The following SPOCK3 variants were observed in gnomAD, a reference collection of about 807,000 sequenced individuals.
The protein encoded by SPOCK3 is SPARC (osteonectin), cwcv and kazal like domains proteoglycan 3, also known as testican-3.
In SPOCK3, 30 loss-of-function variants were observed where a neutral mutation model predicts 56.6. The observed-to-expected ratio is 0.53, with a 90% CI of 0.40 to 0.72. The LOEUF (loss-of-function observed/expected upper bound fraction) is 0.72, where lower values mean the gene tolerates loss of function less well. Among genes scored for constraint, SPOCK3 ranks in the 30% least tolerant of loss-of-function variants. The probability of loss-of-function intolerance (pLI) is 0.00; values close to 1 mark genes in which losing one functional copy is unlikely to be tolerated. For synonymous variants in SPOCK3, 196 were observed against 183.3 expected (o/e 1.07, Z -0.56); for missense variants, 527 against 530.0 (o/e 0.99, Z 0.06).
In SPOCK3 at chr4:166,862,958, G is replaced by A. The variant is rs777785812; in HGVS notation, c.589+26172C>T. Among the ~76,000 whole-genome samples, 99 of 151,908 alleles carry A rather than the reference G, an allele frequency of 6.5e-4. 1 individual carries two copies. Among genetic ancestry groups the A allele is most frequent in the African/African-American group, 2.0e-3 (82 of 41,374 alleles). On this transcript the variant is annotated intron_variant, in intron 6 of 10. Transcript: ENST00000357545. ...AAGAACAACCTGTAGACACATAATC[G>A]TCAGATTCTCCAAGTTTGAAATGAA...
chr4:167,232,050 CTG>C (rs1466400347), intron 2 of SPOCK3, among the ~76,000 whole-genome samples: 4 of 149,656 alleles, frequency 2.7e-5, no homozygotes, highest in African/African-American at 9.9e-5. Flanking sequence ...CCTAGAATAA[CTG>C]AGAATGATAT....
At chr4:166,738,355 A>C (rs1232906791) in intron 9 of SPOCK3, among the ~76,000 whole-genome samples, 1 of 152,100 alleles carries the variant, frequency 6.6e-6, no homozygotes, top group Non-Finnish European at 1.5e-5. Context: ...ACAACATCTC[A>C]AGCCCATGGT....
chr4:166,740,511 A>G (rs892918283), intron 9 of SPOCK3, among the ~76,000 whole-genome samples: 1 of 73,470 alleles, frequency 1.4e-5, no homozygotes, highest in Non-Finnish European at 2.7e-5. Context: ...TATTATTATT[A>G]TTATTATTAT....
At chr4:166,770,412 G>A (rs1738776438) in intron 7 of SPOCK3, among the ~76,000 whole-genome samples, 1 of 152,040 alleles carries the variant, frequency 6.6e-6, no homozygotes, top group African/African-American at 2.4e-5. Flanking sequence ...TTATTTAAAG[G>A]TCAGGTGATT....
rs1468553377 is a variant in SPOCK3 at position 166,818,883 on chromosome 4, TAA to T, written c.590-26596_590-26595del. Among the ~76,000 whole-genome samples, 11 of 152,164 alleles carry T rather than the reference TAA, an allele frequency of 7.2e-5. No homozygotes were observed. In the East Asian group the frequency reaches 2.1e-3, roughly 29 times the overall value. On this transcript the variant is annotated intron_variant, in intron 6 of 10. Coordinates refer to ENST00000357545, the MANE Select transcript of SPOCK3 (RefSeq NM_001040159.2). ...TATTTTTATAACTGAAAGTGACTAA[TAA>T]GTGAAAAATTAATAGGAACACAAGA...
chr4:167,188,353 A>C (rs1732194840), intron 2 of SPOCK3, among the ~76,000 whole-genome samples: 1 of 146,044 alleles, frequency 6.8e-6, no homozygotes, highest in Non-Finnish European at 1.5e-5. Flanking sequence ...AGAGCATACA[A>C]AAGAGGAAAA....
chr4:167,062,215 T>C (rs185163622), intron 3 of SPOCK3, among the ~76,000 whole-genome samples: 1 of 151,992 alleles, frequency 6.6e-6, no homozygotes, highest in Admixed American at 6.6e-5. Context: ...TTGTATCTAC[T>C]GATAAAAATA....
intron 4 of SPOCK3, among the ~76,000 whole-genome samples, chr4:166,978,572 C>T (rs889246230): frequency 6.6e-6 from 1 of 152,122 alleles, no homozygotes; most frequent in Admixed American, 6.5e-5. Flanking sequence ...TATTGTATAC[C>T]CACCATGTTC....
intron 6 of SPOCK3, among the ~76,000 whole-genome samples, chr4:166,888,192 TAA>T (rs576142810): frequency 8.6e-4 from 131 of 152,218 alleles, no homozygotes; most frequent in African/African-American, 3.0e-3. Context: ...ATGAAATACA[TAA>T]GTTTATATTA....
intron 2 of SPOCK3, among the ~76,000 whole-genome samples, chr4:167,133,313 G>A (rs1368490278): frequency 6.6e-6 from 1 of 152,148 alleles, no homozygotes; most frequent in East Asian, 1.9e-4. Flanking sequence ...GCAGCACCTA[G>A]AAACTGGACA....
intron 6 of SPOCK3, among the ~76,000 whole-genome samples, chr4:166,874,839 T>C (rs1187326278): frequency 6.6e-6 from 1 of 152,190 alleles, no homozygotes; most frequent in African/African-American, 2.4e-5. Context: ...CCTAAAGTAG[T>C]AGAATTTTAA....
chr4:166,773,250 C>G (rs1234423641), intron 7 of SPOCK3, among the ~76,000 whole-genome samples: 1 of 152,120 alleles, frequency 6.6e-6, no homozygotes, highest in Non-Finnish European at 1.5e-5. Flanking sequence ...TAAGAAATAT[C>G]ATACCGGAAA....
upstream of SPOCK3, chr4:167,234,751 C>T (rs1298580821): frequency 6.3e-6 from 1 of 159,326 alleles, no homozygotes; most frequent in African/African-American, 2.4e-5. Flanking sequence ...TGGCTGGAGC[C>T]AGAGGACGAG....
chr4:166,955,630 AATT>A (rs915504197), intron 4 of SPOCK3, among the ~76,000 whole-genome samples: 5 of 146,336 alleles, frequency 3.4e-5, no homozygotes, highest in African/African-American at 1.2e-4. Context: ...AATATAATTT[AATT>A]ATATTAAATT....
chr4:166,846,290 A>T (rs1748055300), intron 6 of SPOCK3, among the ~76,000 whole-genome samples: 1 of 152,170 alleles, frequency 6.6e-6, no homozygotes, highest in Admixed American at 6.5e-5. Flanking sequence ...AAAAATGTTT[A>T]GTATGTTTCT....
chr4:167,088,550 C>T (rs751083542), intron 2 of SPOCK3, among the ~76,000 whole-genome samples: 22 of 150,958 alleles, frequency 1.5e-4, no homozygotes, highest in Admixed American at 3.3e-4. Context: ...CTACAACCAC[C>T]GCCTCCCAGG....
intron 6 of SPOCK3, among the ~76,000 whole-genome samples, chr4:166,793,097 T>A (rs994686558): frequency 3.5e-4 from 54 of 152,200 alleles, no homozygotes; most frequent in African/African-American, 1.2e-3. Flanking sequence ...AAGCCACTAA[T>A]TTACATTGTT....
intron 4 of SPOCK3, among the ~76,000 whole-genome samples, chr4:166,984,828 A>G (rs1046314080): frequency 9.2e-5 from 14 of 152,160 alleles, no homozygotes; most frequent in Non-Finnish European, 2.9e-5. Flanking sequence ...TATCCATTTT[A>G]AAGTTTAACT....
At chr4:166,854,966 A>C (rs1375706908) in intron 6 of SPOCK3, among the ~76,000 whole-genome samples, 3 of 152,150 alleles carry the variant, frequency 2.0e-5, no homozygotes, top group Non-Finnish European at 4.4e-5. Flanking sequence ...AGAATCCTCA[A>C]AGTCTCTAAC....
Sources: allele counts gnomAD v4.1 joint callset (sites outside exome capture counted in the v4.1 genomes callset), GRCh38; gene constraint gnomAD v4.1.1; transcripts MANE v1.5; gene names NCBI Gene and HGNC (gene_info 2026-07-23, HGNC 2026-07-21).